DNAJC5B: variants seen among roughly 807,000 people sequenced by gnomAD.
DNAJC5B encodes DnaJ heat shock protein family (Hsp40) member C5 beta.
DNAJC5B carries 23 observed loss-of-function variants against 24.7 expected under a neutral mutation model. That is an observed-to-expected ratio of 0.93 (90% CI 0.67 to 1.32). The LOEUF (loss-of-function observed/expected upper bound fraction) is 1.32. Ranked by LOEUF, DNAJC5B falls within the 40% of genes most tolerant of loss-of-function variation. DNAJC5B has a pLI of 0.00. For missense variants in DNAJC5B, 238 were observed against 240.8 expected (o/e 0.99, Z 0.08); for synonymous variants, 101 against 90.1 (o/e 1.12, Z -0.68).
chr8:66,088,610 G>A (rs1807780855), intron 5 of DNAJC5B, among the ~76,000 whole-genome samples: 1 of 152,072 alleles, frequency 6.6e-6, no homozygotes, highest in African/African-American at 2.4e-5. Flanking sequence ...ATAACTGAAG[G>A]CTTTCAGAAT....
chr8:66,038,243 T>C (rs1806531542), intron 1 of DNAJC5B, among the ~76,000 whole-genome samples: 1 of 152,222 alleles, frequency 6.6e-6, no homozygotes. Context: ...CTATTAATAA[T>C]ATCAAATAAT....
At chr8:66,082,686 G>A (rs1807622586) in intron 5 of DNAJC5B, among the ~76,000 whole-genome samples, 1 of 152,148 alleles carries the variant, frequency 6.6e-6, no homozygotes, top group African/African-American at 2.4e-5. Flanking sequence ...ATATTTAGCA[G>A]CTCCTATGCA....
intron 2 of DNAJC5B, 23 bp downstream of exon 2, chr8:66,043,634 G>C (rs1806663248): frequency 6.6e-6 from 1 of 152,134 alleles, no homozygotes; most frequent in African/African-American, 2.4e-5. Context: ...AGCTTTTGCT[G>C]TTGCCTTCTT....
In DNAJC5B at chr8:66,069,952, C is replaced by T. The variant is rs570976580; in HGVS notation, c.120-6708C>T. The stretch of plus-strand genomic sequence containing the variant: ...TCCATCAAGTAAACCGAACCAATGA[C>T]ACAAACCACATGATTATCTCAATAG... On this transcript the variant is annotated intron_variant, in intron 3 of 5. Transcript: ENST00000276570. 3.3e-5 allele frequency among the ~76,000 whole-genome samples: 5 copies of T among 152,316 alleles called. No individual in the cohort carries two copies. The South Asian group carries it at 1.0e-3, about 32-fold the overall frequency.
intron 1 of DNAJC5B, among the ~76,000 whole-genome samples, chr8:66,041,856 T>C (rs73241296): frequency 0.023 from 3,428 of 152,326 alleles, 137 homozygotes; most frequent in African/African-American, 0.078. Context: ...AGGCATGTAA[T>C]GACGTCCTAT....
chr8:66,093,735 G>A (rs949625432), intron 5 of DNAJC5B, among the ~76,000 whole-genome samples: 4 of 152,084 alleles, frequency 2.6e-5, no homozygotes, highest in Non-Finnish European at 5.9e-5. Context: ...AATGTAGACA[G>A]ACTTTCAGTC....
intron 5 of DNAJC5B, among the ~76,000 whole-genome samples, chr8:66,091,657 C>T (rs1807849967): frequency 6.6e-6 from 1 of 152,110 alleles, no homozygotes; most frequent in Non-Finnish European, 1.5e-5. Context: ...GACAAAGGTT[C>T]AAACCATCAA....
At chr8:66,095,869 C>T (rs887380447) in intron 5 of DNAJC5B, among the ~76,000 whole-genome samples, 10 of 152,090 alleles carry the variant, frequency 6.6e-5, no homozygotes, top group African/African-American at 2.4e-4. Flanking sequence ...AAAATGTCAA[C>T]ACTATGATAC....
chr8:66,096,517 G>T (rs544908210), intron 5 of DNAJC5B, among the ~76,000 whole-genome samples: 10 of 152,088 alleles, frequency 6.6e-5, no homozygotes, highest in African/African-American at 1.9e-4. Flanking sequence ...AAGTTCTTTC[G>T]ATTTTTGATT....
At chr8:66,082,907 T>C (rs1807628166) in intron 5 of DNAJC5B, among the ~76,000 whole-genome samples, 1 of 152,078 alleles carries the variant, frequency 6.6e-6, no homozygotes, top group Non-Finnish European at 1.5e-5. Flanking sequence ...GGCACAGCTC[T>C]GCAACACGCT....
intron 3 of DNAJC5B, among the ~76,000 whole-genome samples, chr8:66,070,466 G>A (rs572840880): frequency 2.0e-5 from 3 of 152,198 alleles, no homozygotes; most frequent in African/African-American, 7.2e-5. Flanking sequence ...TTGCTACAAA[G>A]AAAATAAAAT....
At chr8:66,062,438 T>C (rs1465407748) in intron 3 of DNAJC5B, among the ~76,000 whole-genome samples, 1 of 152,208 alleles carries the variant, frequency 6.6e-6, no homozygotes, top group Non-Finnish European at 1.5e-5. Context: ...CAGCCAGATA[T>C]GCAATTTAGA....
intron 1 of DNAJC5B, among the ~76,000 whole-genome samples, chr8:66,032,386 C>T (rs940746593): frequency 4.6e-5 from 7 of 152,238 alleles, no homozygotes. Flanking sequence ...TTTGAGATGA[C>T]CCACAGAGCA....
At chr8:66,015,898 T>C in the DNAJC5B span, among the ~76,000 whole-genome samples, 115 of 152,174 alleles carry the variant, frequency 7.6e-4, no homozygotes, top group African/African-American at 2.7e-3. Context: ...TTGCAATGAG[T>C]GTGCAGTGGA....
intron 1 of DNAJC5B, among the ~76,000 whole-genome samples, chr8:66,036,337 G>A (rs1370283455): frequency 6.6e-6 from 1 of 152,212 alleles, no homozygotes; most frequent in East Asian, 1.9e-4. Context: ...AGCGAATGGA[G>A]TGGAGATCTC....
chr8:66,100,286 T>C lies in DNAJC5B; in HGVS notation c.*255T>C. ...GTTATTTTACCCTCCTTGCCTGATG[T>C]AGGACAGTGGAATTGTACAGCCTTT... On this transcript the variant is annotated 3_prime_UTR_variant, in exon 6 of 6. Coordinates refer to ENST00000276570, the MANE Select transcript of DNAJC5B (RefSeq NM_033105.6). 5.8e-6 allele frequency: 2 copies of C among 346,400 alleles called. No homozygotes were observed. The highest frequency in any genetic ancestry group is 1.1e-4 in the South Asian group (2 of 18,208). The allele number at this position is 346,400 out of a possible 1,614,324, so 21.5% of individuals were successfully genotyped here. A position where few individuals can be genotyped will look rare whatever the true frequency, so the allele number is the denominator to read the frequency against.
chr8:66,076,022 AGAG>A (rs1807453653), intron 3 of DNAJC5B, among the ~76,000 whole-genome samples: 1 of 152,252 alleles, frequency 6.6e-6, no homozygotes, highest in South Asian at 2.1e-4. Context: ...TCTGATCCAC[AGAG>A]GAGAAGGCCT....
intron 3 of DNAJC5B, among the ~76,000 whole-genome samples, chr8:66,059,273 A>G (rs889598529): frequency 2.0e-5 from 3 of 152,218 alleles, no homozygotes; most frequent in African/African-American, 7.2e-5. Flanking sequence ...TGCTTCTCCC[A>G]CTGCCTAAAA....
intron 5 of DNAJC5B, among the ~76,000 whole-genome samples, chr8:66,092,583 G>T (rs867062594): frequency 6.6e-6 from 1 of 152,108 alleles, no homozygotes; most frequent in Admixed American, 6.5e-5. Context: ...CTCAGAAAAA[G>T]AATGTTACCA....
Sources: allele counts gnomAD v4.1 joint callset (sites outside exome capture counted in the v4.1 genomes callset), GRCh38; gene constraint gnomAD v4.1.1; transcripts MANE v1.5; gene names NCBI Gene and HGNC (gene_info 2026-07-23, HGNC 2026-07-21).